The following PHF3 variants were observed in gnomAD, a reference collection of about 807,000 sequenced individuals.
PHF3 encodes PHD finger protein 3.
Under a neutral mutation model 178.4 loss-of-function variants are expected in PHF3, and 41 were observed. That is an observed-to-expected ratio of 0.23 (90% CI 0.18 to 0.30). The LOEUF is 0.30. Among genes scored for constraint, PHF3 ranks in the 10% least tolerant of loss-of-function variants. The pLI is 1.00. For synonymous variants in PHF3, 842 were observed against 800.5 expected (o/e 1.05, Z -0.88); for missense variants, 2,346 against 2,398.1 (o/e 0.98, Z 0.45).
chr6:63,690,802 G>C (rs1341719646), intron 4 of PHF3, among the ~76,000 whole-genome samples: 1 of 152,102 alleles, frequency 6.6e-6, no homozygotes. Flanking sequence ...AAATTAAATT[G>C]CTGTGTATAT....
chr6:63,649,109 T>C (rs1352660721), intron 2 of PHF3, among the ~76,000 whole-genome samples: 4 of 151,554 alleles, frequency 2.6e-5, no homozygotes, highest in South Asian at 4.2e-4. Flanking sequence ...TTTATTTATT[T>C]ATTCATTTAT....
intron 2 of PHF3, among the ~76,000 whole-genome samples, chr6:63,651,361 C>CT (rs1232308291): frequency 6.6e-6 from 1 of 151,660 alleles, no homozygotes; most frequent in Non-Finnish European, 1.5e-5. Flanking sequence ...GTAATTTTTT[C>CT]TTTTTTTTCC....
At position 63,646,722 on chromosome 6, in the gene PHF3, A is replaced by T; in HGVS notation, c.171A>T (p.Gly57=). The stretch of plus-strand genomic sequence containing the variant: ...TCAGCGATAAGGATCCTATGCTAGG[A>T]TCTGCAAGTAACCAGTTCTGTTTGC... The part of the protein sequence containing the change: ...NMLSDKDPML[G]SASNQFCLPV... The change falls in exon 2 of 16, where the codon GGA becomes GGT. Residue 57 remains glycine, a synonymous_variant. Coordinates refer to ENST00000262043, the MANE Select transcript of PHF3 (RefSeq NM_001370348.2). The T allele has an allele frequency of 3.1e-6, 5 of 1,612,646 alleles. No individual in the cohort carries two copies. The highest frequency in any genetic ancestry group is 4.2e-6 in the Non-Finnish European group (5 of 1,179,520).
chr6:63,711,661 G>A lies in PHF3; in HGVS notation c.4073G>A (p.Cys1358Tyr). ...RQKLKRQHSACASTSHIAETP... is the reference protein window; with the variant it reads ...RQKLKRQHSAYASTSHIAETP... The stretch of plus-strand genomic sequence containing the variant: ...AAACTGAAGCGACAGCACAGTGCCT[G>A]TGCTAGTACTAGTCATATAGCTGAG... The change falls in exon 16 of 16, where the codon TGT becomes TAT. Residue 1358 changes from cysteine to tyrosine, a missense_variant. By Grantham distance (194) the Cys-to-Tyr change is radical. Transcript: ENST00000262043. The A allele has an allele frequency of 1.2e-6, 2 of 1,613,558 alleles. No homozygotes were observed. The highest frequency in any genetic ancestry group is 1.7e-6 in the Non-Finnish European group (2 of 1,179,830).
Position 63,721,434 on chromosome 6 carries a change from T to C in PHF3, c.*7726T>C. ...ACAGTCACCTACATTTGAGCCACCTTTTGCTCCAAATTCAGTTAATTGTAA... is the reference window on the plus strand; with the variant it reads ...ACAGTCACCTACATTTGAGCCACCTCTTGCTCCAAATTCAGTTAATTGTAA... On this transcript the variant is annotated 3_prime_UTR_variant, in exon 16 of 16. Transcript: ENST00000262043. The C allele has an allele frequency of 6.4e-7, 1 of 1,551,684 alleles. No individual in the cohort carries two copies. Among genetic ancestry groups the C allele is most frequent in the Non-Finnish European group, 8.7e-7 (1 of 1,146,930 alleles).
At chr6:63,683,150 A>G (rs951835500) in intron 3 of PHF3, among the ~76,000 whole-genome samples, 7 of 151,996 alleles carry the variant, frequency 4.6e-5, no homozygotes, top group Admixed American at 2.6e-4. Context: ...AAGGATGACT[A>G]TATAATTTTA....
In PHF3 at chr6:63,685,421, T is replaced by C; in HGVS notation, c.1699T>C (p.Ser567Pro). The C allele has an allele frequency of 1.2e-6, 2 of 1,614,054 alleles. No individual in the cohort carries two copies. Among genetic ancestry groups the C allele is most frequent in the Non-Finnish European group, 1.7e-6 (2 of 1,180,004 alleles). Reference sequence around the variant, plus strand: ...TCAGAGTTGCAATTCTGGGGTTAAATCTGTGAAAAACCAAGCTCATTCTGT... The same window carrying C: ...TCAGAGTTGCAATTCTGGGGTTAAACCTGTGAAAAACCAAGCTCATTCTGT... Reference protein sequence around the residue: ...KIQSCNSGVKSVKNQAHSVLK... With the variant: ...KIQSCNSGVKPVKNQAHSVLK... Residue 567 changes from serine to proline, a missense_variant, in exon 4 of 16, where the codon TCT becomes CCT. Around this residue, in one of 8 missense-constraint regions of PHF3, gnomAD observed 843 missense variants for 795.2 expected, o/e 1.06. Coordinates refer to ENST00000262043, the MANE Select transcript of PHF3 (RefSeq NM_001370348.2).
At position 63,655,234 on chromosome 6, in the gene PHF3, C is replaced by T. The variant is rs181383982; in HGVS notation, c.244+8439C>T. Among the ~76,000 whole-genome samples, 830 of 152,096 alleles carry T rather than the reference C, an allele frequency of 5.5e-3. 1 individual carries two copies. Among genetic ancestry groups the T allele is most frequent in the Non-Finnish European group, 8.1e-3 (550 of 67,960 alleles). Reference sequence around the variant, plus strand: ...GCCCACCACCATGCCCGCCACCATGCCTGGCTAATGTTTTGTATTTTTAGT... The same window carrying T: ...GCCCACCACCATGCCCGCCACCATGTCTGGCTAATGTTTTGTATTTTTAGT... On this transcript the variant is annotated intron_variant, in intron 2 of 15. Transcript: ENST00000262043.
At chr6:63,682,820 T>G (rs1335535419) in intron 3 of PHF3, among the ~76,000 whole-genome samples, 2 of 152,096 alleles carry the variant, frequency 1.3e-5, no homozygotes, top group African/African-American at 2.4e-5. Flanking sequence ...ATACTATTCT[T>G]TTGTCATTTT....
At chr6:63,646,184 A>T (rs1056090504) in intron 1 of PHF3, among the ~76,000 whole-genome samples, 1 of 152,178 alleles carries the variant, frequency 6.6e-6, no homozygotes, top group African/African-American at 2.4e-5. Context: ...GTTAAAAACA[A>T]TAGTTTTTAT....
chr6:63,698,371 A>G lies in PHF3; in HGVS notation c.2825+4A>G. 1.9e-6 allele frequency: 3 copies of G among 1,599,322 alleles called. No homozygotes were observed. Among genetic ancestry groups the G allele is most frequent in the Middle Eastern group, 1.7e-4 (1 of 5,986 alleles). ...TCAAAGACATTCTTATGAAGAGGTA[A>G]CATATATTTTTATTATAGAAGTATC... On this transcript the variant is annotated splice_donor_region_variant and intron_variant, in intron 7 of 15. Transcript: ENST00000262043.
At chr6:63,681,838 G>A (rs1766452690) in intron 3 of PHF3, among the ~76,000 whole-genome samples, 1 of 152,056 alleles carries the variant, frequency 6.6e-6, no homozygotes, top group South Asian at 2.1e-4. Context: ...TTTAAGGGTA[G>A]GGAACTAAAA....
rs1310465343 is a variant in PHF3, at chr6:63,691,978, A to C, written c.2431A>C (p.Thr811Pro). The change falls in exon 5 of 16, where the codon ACA becomes CCA. Residue 811 changes from threonine (T) to proline (P), a missense_variant. By Grantham distance (38) the Thr-to-Pro change is conservative (BLOSUM62 -1). Transcript: ENST00000262043. Reference sequence around the variant, plus strand: ...TGAAAAGCTTGGATTATCAAAACACACAACAAATGATAGAACCAAATATAT... The same window carrying C: ...TGAAAAGCTTGGATTATCAAAACACCCAACAAATGATAGAACCAAATATAT... ...ECEKLGLSKH[T>P]TNDRTKYIDD... The C allele has an allele frequency of 6.2e-7, 1 of 1,613,800 alleles. No homozygotes were observed. The highest frequency in any genetic ancestry group is 8.5e-7 in the Non-Finnish European group (1 of 1,179,862).
chr6:63,692,084 C>G (rs531899079), intron 5 of PHF3, 41 bp downstream of exon 5: 1 of 1,385,832 alleles, frequency 7.2e-7, no homozygotes, highest in Non-Finnish European at 9.9e-7. Context: ...TATTTAAGAG[C>G]TTTTTGTATG....
chr6:63,688,192 A>C (rs1766805139), intron 4 of PHF3, among the ~76,000 whole-genome samples: 2 of 117,222 alleles, frequency 1.7e-5, no homozygotes, highest in Non-Finnish European at 3.5e-5. Context: ...TCTCAAAAAA[A>C]AAAAAAAAGC....
intron 2 of PHF3, among the ~76,000 whole-genome samples, chr6:63,668,792 A>G (rs1765786273): frequency 6.6e-6 from 1 of 152,084 alleles, no homozygotes; most frequent in Non-Finnish European, 1.5e-5. Flanking sequence ...GTTCCATTGC[A>G]TAGTTTTGTT....
intron 2 of PHF3, among the ~76,000 whole-genome samples, chr6:63,676,602 A>AT (rs1439987500): frequency 1.3e-5 from 2 of 152,314 alleles, no homozygotes; most frequent in East Asian, 3.9e-4. Flanking sequence ...AGGAGAGTGA[A>AT]TCAGCAGGGG....
chr6:63,649,079 C>CTTATTTAT (rs10645572), intron 2 of PHF3, among the ~76,000 whole-genome samples: 4,367 of 148,590 alleles, frequency 0.029, 85 homozygotes, highest in South Asian at 0.046. Flanking sequence ...AAAAAGAAAT[C>CTTATTTAT]TTATTTATTT....
intron 2 of PHF3, among the ~76,000 whole-genome samples, chr6:63,648,755 T>C (rs1290898288): frequency 6.6e-6 from 1 of 152,076 alleles, no homozygotes; most frequent in African/African-American, 2.4e-5. Context: ...CTAAATTTTC[T>C]GATATTAAAA....
Sources: gnomAD v4.1 joint callset for allele counts (sites outside exome capture counted in the v4.1 genomes callset) on GRCh38, gnomAD v4.1.1 for gene constraint, gnomAD v4.1.1 regional missense constraint, MANE v1.5 for transcripts, NCBI Gene and HGNC (gene_info 2026-07-23, HGNC 2026-07-21) for gene names.